KIAA1328: variants seen among roughly 807,000 people sequenced by gnomAD.
KIAA1328 encodes the protein KIAA1328, also known as protein hinderin.
In KIAA1328, 52 loss-of-function variants were observed where a neutral mutation model predicts 68.1. The ratio of observed to expected loss-of-function variants is 0.76; its 90% confidence interval spans 0.61 to 0.96. The LOEUF (loss-of-function observed/expected upper bound fraction) is 0.96. Among genes scored for constraint, KIAA1328 ranks in the 40% least tolerant of loss-of-function variants. The pLI is 0.00. For missense variants in KIAA1328, 641 were observed against 677.6 expected (o/e 0.95, Z 0.60); for synonymous variants, 232 against 239.4 (o/e 0.97, Z 0.28).
At chr18:36,893,311 C>T (rs1226226341) in intron 5 of KIAA1328, among the ~76,000 whole-genome samples, 2 of 151,886 alleles carry the variant, frequency 1.3e-5, no homozygotes, top group Non-Finnish European at 2.9e-5. Flanking sequence ...CTTGCTGTGT[C>T]GCCTAGGCTG....
intron 5 of KIAA1328, chr18:36,902,166 T>A (rs1304113078): frequency 6.6e-6 from 1 of 151,668 alleles, no homozygotes; most frequent in South Asian, 2.1e-4. Context: ...AAAAAAAAAA[T>A]TCTGAAAATC....
At chr18:37,069,014 C>T (rs9954330) in intron 7 of KIAA1328, among the ~76,000 whole-genome samples, 61,381 of 151,798 alleles carry the variant, frequency 0.4, 14,253 homozygotes, top group African/African-American at 0.64. Context: ...TTTTCTGTTA[C>T]GGATTATATA....
At chr18:37,226,752 G>T (rs1599646976), downstream of KIAA1328, among the ~76,000 whole-genome samples, 1 of 128,070 alleles carries the variant, frequency 7.8e-6, no homozygotes, top group African/African-American at 2.9e-5. Flanking sequence ...GAAGAATGCT[G>T]CCATGAAGAT....
chr18:36,900,617 C>T (rs1471089690), intron 5 of KIAA1328, among the ~76,000 whole-genome samples: 2 of 151,914 alleles, frequency 1.3e-5, no homozygotes, highest in Non-Finnish European at 2.9e-5. Flanking sequence ...ATCCCATTAA[C>T]CGCCATCAGG....
intron 9 of KIAA1328, among the ~76,000 whole-genome samples, chr18:37,193,286 C>G (rs1037745676): frequency 5.3e-5 from 8 of 152,134 alleles, no homozygotes; most frequent in Non-Finnish European, 1.2e-4. Context: ...AGTCTCTAGT[C>G]TAATTTTGAA....
chr18:37,203,421 C>CA (rs1294424828), intron 9 of KIAA1328, among the ~76,000 whole-genome samples: 4 of 151,730 alleles, frequency 2.6e-5, no homozygotes, highest in Non-Finnish European at 4.4e-5. Flanking sequence ...TTATAAATTA[C>CA]AAAAAAAATC....
At position 36,835,377 on chromosome 18, in the gene KIAA1328, G is replaced by T; in HGVS notation, c.237+1G>T. On this transcript the variant is annotated splice_donor_variant, in intron 3 of 9. Transcript: ENST00000280020. LOFTEE classifies it high-confidence loss of function. ...CACAGGAGATTCAGTAGATGAACAG[G>T]TTAGTATTTTTTTCGTCTTTTTTTT... is the stretch of plus-strand genomic sequence containing the variant. 6.2e-7 allele frequency: 1 copy of T among 1,605,594 alleles called. No individual in the cohort carries two copies.
At chr18:37,181,940 A>G (rs1397186780) in intron 9 of KIAA1328, among the ~76,000 whole-genome samples, 1 of 152,224 alleles carries the variant, frequency 6.6e-6, no homozygotes, top group Non-Finnish European at 1.5e-5. Flanking sequence ...TTTTACACTC[A>G]GTAGTTCCAA....
At chr18:37,077,162 A>G (rs1464896291) in intron 7 of KIAA1328, among the ~76,000 whole-genome samples, 1 of 149,234 alleles carries the variant, frequency 6.7e-6, no homozygotes, top group African/African-American at 2.5e-5. Flanking sequence ...CATCCCTGGG[A>G]TGCAAGGCTG....
chr18:36,842,669 T>A (rs1452718649), intron 3 of KIAA1328, among the ~76,000 whole-genome samples: 2 of 148,348 alleles, frequency 1.3e-5, no homozygotes, highest in Admixed American at 1.4e-4. Context: ...TGCCACTAAT[T>A]ATTTATTTTT....
chr18:37,007,723 G>T (rs2053833281), intron 6 of KIAA1328, among the ~76,000 whole-genome samples: 1 of 152,134 alleles, frequency 6.6e-6, no homozygotes, highest in Admixed American at 6.5e-5. Flanking sequence ...GCTTTTGGCT[G>T]CAAGAAAGAT....
chr18:37,125,734 A>G (rs2058373979), intron 7 of KIAA1328, among the ~76,000 whole-genome samples: 1 of 152,222 alleles, frequency 6.6e-6, no homozygotes, highest in Non-Finnish European at 1.5e-5. Flanking sequence ...TGAAATGCAG[A>G]GTGGTCCAAA....
chr18:36,839,438 G>A (rs761613580), intron 3 of KIAA1328, among the ~76,000 whole-genome samples: 3 of 152,110 alleles, frequency 2.0e-5, no homozygotes, highest in East Asian at 1.9e-4. Context: ...CTTCCATGTC[G>A]CTACTTGACA....
chr18:36,861,188 T>A (rs2150888108), intron 4 of KIAA1328, among the ~76,000 whole-genome samples: 1 of 152,322 alleles, frequency 6.6e-6, no homozygotes, highest in East Asian at 1.9e-4. Flanking sequence ...GTCTTGACAC[T>A]TTTGAAGAGT....
intron 4 of KIAA1328, among the ~76,000 whole-genome samples, chr18:36,860,386 C>G (rs1157075462): frequency 6.6e-6 from 1 of 151,964 alleles, no homozygotes; most frequent in South Asian, 2.1e-4. Flanking sequence ...TGAGACTTCT[C>G]TTAGATTTAT....
intron 6 of KIAA1328, among the ~76,000 whole-genome samples, chr18:37,005,492 T>C (rs78090175): frequency 6.6e-6 from 1 of 151,942 alleles, no homozygotes; most frequent in Non-Finnish European, 1.5e-5. Context: ...AGAACTCTTA[T>C]ACTGTTGGTG....
chr18:37,023,618 A>G (rs1381768994), intron 6 of KIAA1328, among the ~76,000 whole-genome samples: 1 of 152,084 alleles, frequency 6.6e-6, no homozygotes, highest in Non-Finnish European at 1.5e-5. Context: ...AAGAAGATTC[A>G]TTTTTGTTTT....
At chr18:36,913,246 C>T (rs557904661) in intron 5 of KIAA1328, among the ~76,000 whole-genome samples, 2 of 151,708 alleles carry the variant, frequency 1.3e-5, no homozygotes, top group South Asian at 4.2e-4. Flanking sequence ...GGGCCTAGTA[C>T]AGTGGCTCAT....
intron 9 of KIAA1328, among the ~76,000 whole-genome samples, chr18:37,198,302 G>T (rs1025564300): frequency 6.6e-6 from 1 of 152,144 alleles, no homozygotes; most frequent in African/African-American, 2.4e-5. Flanking sequence ...TCACCAAGCT[G>T]CATACTTTAA....
Sources: gnomAD v4.1 joint callset for allele counts (sites outside exome capture counted in the v4.1 genomes callset) on GRCh38, gnomAD v4.1.1 for gene constraint, MANE v1.5 for transcripts, NCBI Gene and HGNC (gene_info 2026-07-23, HGNC 2026-07-21) for gene names.